Variants in OR5A1 observed in about 807,000 individuals in gnomAD.
The protein encoded by OR5A1 is olfactory receptor 5A1.
OR5A1 carries 6 observed loss-of-function variants against 6.7 expected under a neutral mutation model. The observed-to-expected ratio is 0.89, with a 90% confidence interval of 0.49 to 1.76. The LOEUF is 1.76. Among genes scored for constraint, OR5A1 ranks in the 40% most tolerant of loss-of-function variants. The pLI is 0.01. For missense variants in OR5A1, 378 were observed against 381.7 expected (o/e 0.99, Z 0.08); for synonymous variants, 170 against 155.0 (o/e 1.10, Z -0.72).
intron 1 of OR5A1, among the ~76,000 whole-genome samples, chr11:59,437,098 A>C (rs551998949): frequency 6.6e-6 from 1 of 152,140 alleles, no homozygotes; most frequent in Non-Finnish European, 1.5e-5. Flanking sequence ...TTACTCCTAC[A>C]CATGCATAGC....
chr11:59,445,440 T>C lies in OR5A1; in HGVS notation c.*1324T>C, dbSNP rs1858536455. ...GGAATTTGGGTTGATTCCATGTCTT[T>C]GCTATTGTGAATAGTGCTGCAATGA... On this transcript the variant is annotated 3_prime_UTR_variant, in exon 2 of 2. Transcript: ENST00000641045. The C allele has an allele frequency of 6.6e-6, 1 of 152,206 alleles. No individual in the cohort carries two copies. Among genetic ancestry groups the C allele is most frequent in the Non-Finnish European group, 1.5e-5 (1 of 68,042 alleles). The allele number at this position is 152,206 out of a possible 1,614,324, so 9.4% of individuals were successfully genotyped here.
At position 59,443,686 on chromosome 11, in the gene OR5A1, G is replaced by A; in HGVS notation, c.518G>A (p.Gly173Glu). 2 of 1,614,076 alleles carry A rather than the reference G, an allele frequency of 1.2e-6. No homozygotes were observed. The change falls in exon 2 of 2, where the codon GGA (glycine) becomes GAA (glutamate). Residue 173 changes from glycine (G) to glutamate (E), a missense_variant. By Grantham distance (98) the Gly-to-Glu change is moderately conservative (BLOSUM62 -2). Transcript: ENST00000641045. Reference sequence around the variant, plus strand: ...TCCATATTTAGGCTTCACTTTTGCGGACCCAACATCATCAACCACTTCTTC... The same window carrying A: ...TCCATATTTAGGCTTCACTTTTGCGAACCCAACATCATCAACCACTTCTTC... ...ASSIFRLHFCGPNIINHFFCD... is the reference protein window; with the variant it reads ...ASSIFRLHFCEPNIINHFFCD...
rs757766710 is a variant in OR5A1, at chr11:59,446,904, G to T, written c.*2788G>T. 1 of 152,306 alleles carries T rather than the reference G, an allele frequency of 6.6e-6. No individual in the cohort carries two copies. The highest frequency in any genetic ancestry group is 1.5e-5 in the Non-Finnish European group (1 of 68,012). The allele number at this position is 152,306 out of a possible 1,614,324, so 9.4% of individuals were successfully genotyped here. A position where few individuals can be genotyped will look rare whatever the true frequency, so the allele number is the denominator to read the frequency against. ...CCATATCTGGAAGAACATAAACAAT[G>T]CATAGGAAAGCAGAGATCCCTTCTC... is the stretch of plus-strand genomic sequence containing the variant. On this transcript the variant is annotated 3_prime_UTR_variant, in exon 2 of 2. Transcript: ENST00000641045.
chr11:59,450,625 A>G lies in OR5A1; in HGVS notation c.*6509A>G, dbSNP rs1049562799. On this transcript the variant is annotated 3_prime_UTR_variant, in exon 2 of 2. Transcript: ENST00000641045. ...GAAGCCATTTAAAATCATTTTTTTA[A>G]TTAGACACAACAGAACGTCTTTTTA... 1 of 152,158 alleles carries G rather than the reference A, an allele frequency of 6.6e-6. No individual in the cohort carries two copies. Among genetic ancestry groups the G allele is most frequent in the African/African-American group, 2.4e-5 (1 of 41,446 alleles). 9.4% of individuals were successfully genotyped at this position (152,158 alleles called of 1,614,324 possible).
chr11:59,437,713 A>T (rs1279992371), intron 1 of OR5A1, among the ~76,000 whole-genome samples: 1 of 152,246 alleles, frequency 6.6e-6, no homozygotes, highest in African/African-American at 2.4e-5. Context: ...GATAACATGC[A>T]GAAATTTAGG....
Position 59,443,138 on chromosome 11 carries a change from C to A in OR5A1, c.-31C>A. On this transcript the variant is annotated splice_region_variant and 5_prime_UTR_variant, in exon 2 of 2. The change creates a new upstream start codon in the 5' untranslated region. Coordinates refer to ENST00000641045, the MANE Select transcript of OR5A1 (RefSeq NM_001004728.2). ...GTGGACTGTCATTACTATCCCAGGTCTGCATCTTGTCCTTGTGGTCCACGG... is the reference window on the plus strand; with the variant it reads ...GTGGACTGTCATTACTATCCCAGGTATGCATCTTGTCCTTGTGGTCCACGG... 1 of 1,549,894 alleles carries A rather than the reference C, an allele frequency of 6.5e-7. No homozygotes were observed. Among genetic ancestry groups the A allele is most frequent in the South Asian group, 1.1e-5 (1 of 88,208 alleles).
In OR5A1 at chr11:59,447,013, C is replaced by T. The variant is rs1287888903; in HGVS notation, c.*2897C>T. 1 of 152,192 alleles carries T rather than the reference C, an allele frequency of 6.6e-6. No homozygotes were observed. The highest frequency in any genetic ancestry group is 1.5e-5 in the Non-Finnish European group (1 of 68,036). 9.4% of individuals were successfully genotyped at this position (152,192 alleles called of 1,614,324 possible). A position where few individuals can be genotyped will look rare whatever the true frequency, so the allele number is the denominator to read the frequency against. On this transcript the variant is annotated 3_prime_UTR_variant, in exon 2 of 2. Transcript: ENST00000641045. Reference sequence around the variant, plus strand: ...GAATGACTCCTACAAATCGTATATACAGGTACTCAGAGAGAGAGAGTTGAA... The same window carrying T: ...GAATGACTCCTACAAATCGTATATATAGGTACTCAGAGAGAGAGAGTTGAA...
chr11:59,445,062 A>G lies in OR5A1; in HGVS notation c.*946A>G, dbSNP rs1051500717. 1 of 152,130 alleles carries G rather than the reference A, an allele frequency of 6.6e-6. No individual in the cohort carries two copies. Among genetic ancestry groups the G allele is most frequent in the Non-Finnish European group, 1.5e-5 (1 of 68,014 alleles). 9.4% of individuals were successfully genotyped at this position (152,130 alleles called of 1,614,324 possible). On this transcript the variant is annotated 3_prime_UTR_variant, in exon 2 of 2. Transcript: ENST00000641045. ...TATGCAGGATGTGCAGGTTTGTTACATAGGTAAACATATGTCATGGTGATT... is the reference window on the plus strand; with the variant it reads ...TATGCAGGATGTGCAGGTTTGTTACGTAGGTAAACATATGTCATGGTGATT...
intron 1 of OR5A1, 28 bp from the exon 2 acceptor site, chr11:59,443,107 TA>T (rs1162280692): frequency 7.8e-7 from 1 of 1,284,246 alleles, no homozygotes; most frequent in African/African-American, 1.5e-5. Flanking sequence ...TAATACCACC[TA>T]TAATGTGGAC....
At chr11:59,438,870 C>T (rs183872129) in intron 1 of OR5A1, among the ~76,000 whole-genome samples, 2 of 152,334 alleles carry the variant, frequency 1.3e-5, no homozygotes, top group East Asian at 3.9e-4. Flanking sequence ...GAATTAAAGT[C>T]TTGACCCCTT....
Position 59,447,900 on chromosome 11 carries a change from A to G in OR5A1, c.*3784A>G, listed in dbSNP as rs12362096. On this transcript the variant is annotated 3_prime_UTR_variant, in exon 2 of 2. Coordinates refer to ENST00000641045, the MANE Select transcript of OR5A1 (RefSeq NM_001004728.2). Reference sequence around the variant, plus strand: ...CAGATCCCAAAGAAAGAGAAGGAAGATCAGAAGGCCAAGTTCTCCTGCCTA... The same window carrying G: ...CAGATCCCAAAGAAAGAGAAGGAAGGTCAGAAGGCCAAGTTCTCCTGCCTA... 0.086 allele frequency: 13,122 copies of G among 152,150 alleles called. 715 individuals are homozygous for G. The highest frequency in any genetic ancestry group is 0.2 in the South Asian group (973 of 4,810). The allele number at this position is 152,150 out of a possible 1,614,324, so 9.4% of individuals were successfully genotyped here.
Position 59,443,116 on chromosome 11 carries a change from G to T in OR5A1, c.-33-20G>T. On this transcript the variant is annotated intron_variant, in intron 1 of 1. Coordinates refer to ENST00000641045, the MANE Select transcript of OR5A1 (RefSeq NM_001004728.2). ...ATTTGCTAATACCACCTATAATGTG[G>T]ACTGTCATTACTATCCCAGGTCTGC... is the stretch of plus-strand genomic sequence containing the variant. 1 of 1,380,608 alleles carries T rather than the reference G, an allele frequency of 7.2e-7. No individual in the cohort carries two copies. The highest frequency in any genetic ancestry group is 1.8e-5 in the Admixed American group (1 of 56,832). 85.5% of individuals were successfully genotyped at this position (1,380,608 alleles called of 1,614,324 possible). A position where few individuals can be genotyped will look rare whatever the true frequency, so the allele number is the denominator to read the frequency against.
Position 59,443,489 on chromosome 11 carries a change from T to A in OR5A1, c.321T>A (p.Phe107Leu), listed in dbSNP as rs1858507971. The change falls in exon 2 of 2, where the codon TTT becomes TTA. Residue 107 changes from phenylalanine (F) to leucine (L), a missense_variant. By Grantham distance (22) the Phe-to-Leu change is conservative. Coordinates refer to ENST00000641045, the MANE Select transcript of OR5A1 (RefSeq NM_001004728.2). ...GCTGTGCTGCTCAGTTTTTTTTCTT[T>A]GTCGGCATGGGTCTGTCTGAGTGCC... ...FVGCAAQFFF[F>L]VGMGLSECLL... 6.2e-7 allele frequency: 1 copy of A among 1,613,966 alleles called. No individual in the cohort carries two copies. Among genetic ancestry groups the A allele is most frequent in the Non-Finnish European group, 8.5e-7 (1 of 1,180,008 alleles).
In OR5A1 at chr11:59,443,543, A is replaced by C; in HGVS notation, c.375A>C (p.Arg125=). The change falls in exon 2 of 2, where the codon CGA becomes CGC. Residue 125 remains arginine, a synonymous_variant. Transcript: ENST00000641045. ...TCCTGACTGCTATGGCATACGACCG[A>C]TATGCAGCCATCTCCAGCCCCCTTC... ...CLLLTAMAYD[R]YAAISSPLLY... The C allele has an allele frequency of 6.2e-7, 1 of 1,613,902 alleles. No individual in the cohort carries two copies.
rs1010992749 is a variant in OR5A1 at position 59,445,892 on chromosome 11, C to T, written c.*1776C>T. The T allele has an allele frequency of 2.0e-5, 3 of 151,468 alleles. No homozygotes were observed. The highest frequency in any genetic ancestry group is 7.3e-5 in the African/African-American group (3 of 41,294). The allele number at this position is 151,468 out of a possible 1,614,324, so 9.4% of individuals were successfully genotyped here. A position where few individuals can be genotyped will look rare whatever the true frequency, so the allele number is the denominator to read the frequency against. On this transcript the variant is annotated 3_prime_UTR_variant, in exon 2 of 2. Coordinates refer to ENST00000641045, the MANE Select transcript of OR5A1 (RefSeq NM_001004728.2). ...TTTCTTGTAAATTTGTTTAAGTTAC[C>T]TTTGTCAGATAGATAGATTGCAAAA...
At position 59,446,878 on chromosome 11, in the gene OR5A1, T is replaced by C. The variant is rs1448068718; in HGVS notation, c.*2762T>C. ...TCATATAACAGAATTAATTATTTCC[T>C]CCATATCTGGAAGAACATAAACAAT... is the stretch of plus-strand genomic sequence containing the variant. On this transcript the variant is annotated 3_prime_UTR_variant, in exon 2 of 2. Transcript: ENST00000641045. 1 of 152,232 alleles carries C rather than the reference T, an allele frequency of 6.6e-6. No individual in the cohort carries two copies. The highest frequency in any genetic ancestry group is 6.5e-5 in the Admixed American group (1 of 15,286). The allele number at this position is 152,232 out of a possible 1,614,324, so 9.4% of individuals were successfully genotyped here.
At position 59,444,317 on chromosome 11, in the gene OR5A1, C is replaced by CTGA; in HGVS notation, c.*201_*202insTGA. ...TAGCCAAAAAGGGAAGGAATTTCTT[C>CTGA]AGAAAAAAAAAAAAAAAAAAAAGAA... On this transcript the variant is annotated 3_prime_UTR_variant, in exon 2 of 2. Coordinates refer to ENST00000641045, the MANE Select transcript of OR5A1 (RefSeq NM_001004728.2). 1.7e-5 allele frequency: 1 copy of CTGA among 59,166 alleles called. No homozygotes were observed. 3.7% of individuals were successfully genotyped at this position (59,166 alleles called of 1,614,324 possible). A position where few individuals can be genotyped will look rare whatever the true frequency, so the allele number is the denominator to read the frequency against.
In OR5A1 at chr11:59,443,523, A is replaced by T. The variant is rs1337294136; in HGVS notation, c.355A>T (p.Thr119Ser). 1 of 1,613,530 alleles carries T rather than the reference A, an allele frequency of 6.2e-7. No homozygotes were observed. The highest frequency in any genetic ancestry group is 1.7e-5 in the Admixed American group (1 of 59,952). ...GMGLSECLLL[T>S]AMAYDRYAAI... ...GGGTCTGTCTGAGTGCCTCCTCCTG[A>T]CTGCTATGGCATACGACCGATATGC... is the stretch of plus-strand genomic sequence containing the variant. Residue 119 changes from threonine (T) to serine (S), a missense_variant, in exon 2 of 2, where the codon ACT (threonine) becomes TCT (serine). Physicochemically the swap from Thr to Ser is moderately conservative, Grantham distance 58 (BLOSUM62 1). Transcript: ENST00000641045.
At chr11:59,443,051 C>G (rs899342805) in intron 1 of OR5A1, 85 bp from the exon 2 acceptor site, 2 of 686,646 alleles carry the variant, frequency 2.9e-6, no homozygotes, top group Non-Finnish European at 5.1e-6. Context: ...AAAGCTGTAA[C>G]CTGTAATCCT....
Sources: gnomAD v4.1 joint callset for allele counts (sites outside exome capture counted in the v4.1 genomes callset) on GRCh38, gnomAD v4.1.1 for gene constraint, MANE v1.5 for transcripts, NCBI Gene and HGNC (gene_info 2026-07-23, HGNC 2026-07-21) for gene names.